The following BMPER variants were observed in gnomAD, a reference collection of about 807,000 sequenced individuals.
The protein encoded by BMPER is BMP binding endothelial regulator.
Under a neutral mutation model 87.3 loss-of-function variants are expected in BMPER, and 45 were observed. The observed-to-expected ratio is 0.52, with a 90% CI of 0.41 to 0.66. The LOEUF is 0.66. BMPER is among the 30% of genes least tolerant of loss of function. The pLI, the probability that BMPER is intolerant of heterozygous loss-of-function variation, is 0.00. For synonymous variants in BMPER, 326 were observed against 316.2 expected, an observed-to-expected ratio of 1.03 and a Z score of -0.33; for missense variants, 784 against 867.5, an observed-to-expected ratio of 0.90 and a Z score of 1.21.
At chr7:33,969,439 G>A (rs1304157901) in intron 4 of BMPER, among the ~76,000 whole-genome samples, 2 of 152,026 alleles carry the variant, frequency 1.3e-5, no homozygotes, top group South Asian at 2.1e-4. Flanking sequence ...TCGCTCTGTC[G>A]TCCAGGCTGG....
chr7:33,943,947 G>C (rs1303056325), intron 3 of BMPER, among the ~76,000 whole-genome samples: 1 of 152,152 alleles, frequency 6.6e-6, no homozygotes, highest in African/African-American at 2.4e-5. Context: ...ATCAATTGCT[G>C]TTGTGTTTTC....
At chr7:34,146,262 G>A (rs1189960449) in intron 14 of BMPER, among the ~76,000 whole-genome samples, 6 of 152,128 alleles carry the variant, frequency 3.9e-5, no homozygotes, top group Non-Finnish European at 8.8e-5. Context: ...AAGACAAAAA[G>A]GAGAAATCTT....
chr7:34,046,191 C>G, intron 6 of BMPER, 115 bp from the exon 7 acceptor site: 1 of 957,516 alleles, frequency 1.0e-6, no homozygotes, highest in Non-Finnish European at 1.7e-6. Context: ...CCTGAGCAGT[C>G]AGTCTAGGGA....
chr7:34,019,278 T>G (rs1787118281), intron 6 of BMPER, among the ~76,000 whole-genome samples: 1 of 151,930 alleles, frequency 6.6e-6, no homozygotes, highest in Admixed American at 6.6e-5. Flanking sequence ...AATCACACCA[T>G]ACAGACAGCT....
chr7:34,156,236 C>G lies in BMPER; in HGVS notation c.*2963C>G, dbSNP rs891767258. ...GCTTCTCCCAGCTTTCACTGAAACA[C>G]GGATAAACCATTTCAACTGGAAAAC... On this transcript the variant is annotated 3_prime_UTR_variant, in exon 15 of 15. Transcript: ENST00000649409. Among the ~76,000 whole-genome samples, 1 of 152,134 alleles carries G rather than the reference C, an allele frequency of 6.6e-6. No homozygotes were observed. Among genetic ancestry groups the G allele is most frequent in the Non-Finnish European group, 1.5e-5 (1 of 68,034 alleles).
At chr7:33,928,371 G>T (rs958398242) in intron 2 of BMPER, among the ~76,000 whole-genome samples, 4 of 152,116 alleles carry the variant, frequency 2.6e-5, no homozygotes, top group African/African-American at 9.7e-5. Context: ...TTACACAAAT[G>T]TGCTGTTGCC....
chr7:34,093,791 G>A lies in BMPER; in HGVS notation c.1745+7699G>A, dbSNP rs150717887. 2.7e-3 allele frequency among the ~76,000 whole-genome samples: 413 copies of A among 152,270 alleles called. 3 individuals are homozygous for A. The highest frequency in any genetic ancestry group is 6.3e-3 in the Admixed American group (97 of 15,296). On this transcript the variant is annotated intron_variant, in intron 13 of 14. Transcript: ENST00000649409. ...ATTTGAATAAGTGTCACTGTAGCAG[G>A]TAAAACACTAATTATTTTGTAGCAT...
chr7:33,963,692 G>A (rs1177482106), intron 3 of BMPER, among the ~76,000 whole-genome samples: 1 of 152,088 alleles, frequency 6.6e-6, no homozygotes. Context: ...TACTCAGGGG[G>A]CTGAGTAGGA....
rs1789187937 is a variant in BMPER, at chr7:34,085,872, A to C, written c.1525A>C (p.Ile509Leu). 1.9e-6 allele frequency: 3 copies of C among 1,614,166 alleles called. No homozygotes were observed. The highest frequency in any genetic ancestry group is 2.5e-6 in the Non-Finnish European group (3 of 1,180,022). The change falls in exon 13 of 15, where the codon ATT becomes CTT. Residue 509 changes from isoleucine (I) to leucine (L), a missense_variant. Ile to Leu is a conservative substitution (Grantham distance 5). Transcript: ENST00000649409. ...NYNGHKRDDL[I>L]GGDGNFKFDV... is the part of the protein sequence containing the mutation. Reference sequence around the variant, plus strand: ...CAATGGACATAAACGTGATGACTTAATTGGTGGAGATGGAAACTTCAAGTT... The same window carrying C: ...CAATGGACATAAACGTGATGACTTACTTGGTGGAGATGGAAACTTCAAGTT...
intron 13 of BMPER, among the ~76,000 whole-genome samples, chr7:34,087,114 C>T (rs566054017): frequency 2.6e-5 from 4 of 152,102 alleles, no homozygotes; most frequent in Admixed American, 6.5e-5. Flanking sequence ...AAAGGCGGCT[C>T]GAAGTGGGGT....
chr7:34,096,497 A>AT (rs1299837633), intron 13 of BMPER, among the ~76,000 whole-genome samples: 1 of 152,184 alleles, frequency 6.6e-6, no homozygotes, highest in Non-Finnish European at 1.5e-5. Context: ...GCATGTGCAA[A>AT]TACGAAATAG....
chr7:34,128,920 C>A (rs1790474494), intron 13 of BMPER, among the ~76,000 whole-genome samples: 1 of 152,108 alleles, frequency 6.6e-6, no homozygotes, highest in Non-Finnish European at 1.5e-5. Flanking sequence ...AGTAGATATT[C>A]CCTAAGGTCT....
At chr7:34,077,432 C>A (rs1478757904) in intron 11 of BMPER, among the ~76,000 whole-genome samples, 1 of 152,162 alleles carries the variant, frequency 6.6e-6, no homozygotes, top group South Asian at 2.1e-4. Flanking sequence ...GCTGAGCTTT[C>A]AAAATGTGTC....
intron 1 of BMPER, 104 bp downstream of exon 1, chr7:33,905,850 C>T (rs1783800469): frequency 2.9e-6 from 4 of 1,397,870 alleles, no homozygotes; most frequent in Non-Finnish European, 3.9e-6. Flanking sequence ...GGAGCGCGCA[C>T]CTTGGCGCTT....
At chr7:34,132,261 G>A (rs1047999735) in intron 13 of BMPER, among the ~76,000 whole-genome samples, 4 of 152,156 alleles carry the variant, frequency 2.6e-5, no homozygotes, top group Admixed American at 2.0e-4. Flanking sequence ...TGGAGCCTGA[G>A]AGCTAGTGCC....
chr7:33,992,057 T>G (rs998425011), intron 6 of BMPER, among the ~76,000 whole-genome samples: 2 of 151,976 alleles, frequency 1.3e-5, no homozygotes, highest in African/African-American at 4.8e-5. Context: ...AATTTTGGAA[T>G]AGGTGTGGTG....
Position 34,078,735 on chromosome 7 carries a change from TAA to T in BMPER, c.1079-121_1079-120del. 1.1e-5 allele frequency: 11 copies of T among 986,880 alleles called. No homozygotes were observed. The Admixed American group carries it at 1.2e-4, about 11-fold the overall frequency. The allele number at this position is 986,880 out of a possible 1,614,324, so 61.1% of individuals were successfully genotyped here. ...CTTTAAAAACGACCACTTTTTTTTT[TAA>T]GTTGATTTCCCTTAGTGCATTTCTG... On this transcript the variant is annotated intron_variant, in intron 11 of 14. Transcript: ENST00000649409.
chr7:33,974,857 C>A, intron 6 of BMPER, 73 bp downstream of exon 6: 1 of 1,398,946 alleles, frequency 7.1e-7, no homozygotes, highest in Non-Finnish European at 1.0e-6. Flanking sequence ...AGAGCACCCC[C>A]GGTCTCTACA....
chr7:34,046,524 G>C lies in BMPER; in HGVS notation c.676+119G>C, dbSNP rs893694823. 37 of 1,015,482 alleles carry C rather than the reference G, an allele frequency of 3.6e-5. No homozygotes were observed. The Admixed American group carries it at 4.7e-4, about 13-fold the overall frequency. 62.9% of individuals were successfully genotyped at this position (1,015,482 alleles called of 1,614,324 possible). A position where few individuals can be genotyped will look rare whatever the true frequency, so the allele number is the denominator to read the frequency against. On this transcript the variant is annotated intron_variant, in intron 7 of 14. Coordinates refer to ENST00000649409, the MANE Select transcript of BMPER (RefSeq NM_001365308.1). ...AGTTGTCCTATTTCGTGGCTTGTTA[G>C]AGACAACTCCCTCTTCTAATTACAG...
Sources: gnomAD v4.1 joint callset for allele counts (sites outside exome capture counted in the v4.1 genomes callset) on GRCh38, gnomAD v4.1.1 for gene constraint, MANE v1.5 for transcripts, NCBI Gene and HGNC (gene_info 2026-07-23, HGNC 2026-07-21) for gene names.